The following OGA variants were observed in gnomAD, a reference collection of about 807,000 sequenced individuals.
OGA encodes the protein O-GlcNAcase, also known as protein O-GlcNAcase.
OGA carries 21 observed loss-of-function variants against 102.0 expected under a neutral mutation model. That is an observed-to-expected ratio of 0.21 (90% CI 0.15 to 0.30). OGA has a LOEUF of 0.30. Among genes scored for constraint, OGA ranks in the 10% least tolerant of loss-of-function variants. The pLI is 1.00. For synonymous variants in OGA, 408 were observed against 378.2 expected, an observed-to-expected ratio of 1.08 and a Z score of -0.91; for missense variants, 765 against 1,107.8, an observed-to-expected ratio of 0.69 and a Z score of 4.39.
rs1248470817 is a variant in OGA at position 101,785,379 on chromosome 10, G to GT, written c.*1071dup. 6 of 152,584 alleles carry GT rather than the reference G, an allele frequency of 3.9e-5. No homozygotes were observed. The highest frequency in any genetic ancestry group is 8.8e-5 in the Non-Finnish European group (6 of 68,046). The allele number at this position is 152,584 out of a possible 1,614,324, so 9.5% of individuals were successfully genotyped here. On this transcript the variant is annotated 3_prime_UTR_variant, in exon 16 of 16. Coordinates refer to ENST00000361464, the MANE Select transcript of OGA (RefSeq NM_012215.5). ...AGACTCTGATTTAATAAAATCAGTA[G>GT]TAACAGGTCTTGAGATTAAACAACT...
At chr10:101,789,375 G>A (rs2065230087) in intron 14 of OGA, among the ~76,000 whole-genome samples, 1 of 152,134 alleles carries the variant, frequency 6.6e-6, no homozygotes, top group Non-Finnish European at 1.5e-5. Context: ...GCACATGCCT[G>A]TCATCTCAAC....
intron 5 of OGA, 60 bp from the exon 6 acceptor site, chr10:101,806,203 G>C (rs3740422): frequency 0.31 from 335,813 of 1,076,200 alleles, 55,487 homozygotes; most frequent in Non-Finnish European, 0.35. Flanking sequence ...TTTTCTCTTT[G>C]TTTGTTTGTT....
chr10:101,787,843 CG>C, intron 14 of OGA: 1 of 224,396 alleles, frequency 4.5e-6, no homozygotes, highest in Non-Finnish European at 9.0e-6. Flanking sequence ...CCTTCTATCT[CG>C]GCCTCCTGAA....
At position 101,811,416 on chromosome 10, in the gene OGA, A is replaced by T. The variant is rs201842394; in HGVS notation, c.350-1102T>A. Among the ~76,000 whole-genome samples, 1,075 of 148,578 alleles carry T rather than the reference A, an allele frequency of 7.2e-3. 23 individuals carry two copies. The East Asian group carries it at 0.099, about 14-fold the overall frequency. ...AAAATGAAAAAAAATGAAAAAAAAA[A>T]AAAAAAAAAAAAAAAATGAATCACA... On this transcript the variant is annotated intron_variant, in intron 3 of 15. Transcript: ENST00000361464.
At chr10:101,802,918 C>A (rs554265936) in intron 7 of OGA, among the ~76,000 whole-genome samples, 1 of 146,466 alleles carries the variant, frequency 6.8e-6, no homozygotes, top group Admixed American at 6.9e-5. Flanking sequence ...GCAGGTGGAT[C>A]ACCTAAGGTC....
intron 1 of OGA, among the ~76,000 whole-genome samples, chr10:101,817,129 T>C (rs2065639617): frequency 1.3e-5 from 2 of 152,360 alleles, no homozygotes; most frequent in South Asian, 2.1e-4. Context: ...AAGTCCATCG[T>C]TCTTTTCGAC....
chr10:101,810,971 A>G (rs2065546677), intron 3 of OGA, among the ~76,000 whole-genome samples: 1 of 150,570 alleles, frequency 6.6e-6, no homozygotes, highest in African/African-American at 2.4e-5. Flanking sequence ...GATTGCAGGC[A>G]TGAGCCATGG....
chr10:101,803,173 G>C (rs1157794561), intron 7 of OGA, among the ~76,000 whole-genome samples: 1 of 149,662 alleles, frequency 6.7e-6, no homozygotes, highest in African/African-American at 2.4e-5. Context: ...TTCCATAAAA[G>C]ATAAATGTAA....
Position 101,785,128 on chromosome 10 carries a change from T to C in OGA, c.*1323A>G, listed in dbSNP as rs1159618614. On this transcript the variant is annotated 3_prime_UTR_variant, in exon 16 of 16. Coordinates refer to ENST00000361464, the MANE Select transcript of OGA (RefSeq NM_012215.5). ...GATGCAAAACTACAGAGAAGCAAGA[T>C]AACAAAATACTGTTATCAATCTATG... The C allele has an allele frequency of 1.3e-5, 2 of 152,150 alleles. No individual in the cohort carries two copies. The highest frequency in any genetic ancestry group is 4.8e-5 in the African/African-American group (2 of 41,430). The allele number at this position is 152,150 out of a possible 1,614,324, so 9.4% of individuals were successfully genotyped here.
Position 101,798,856 on chromosome 10 carries a change from T to C in OGA, c.1795A>G (p.Lys599Glu). 1 of 1,613,112 alleles carries C rather than the reference T, an allele frequency of 6.2e-7. No individual in the cohort carries two copies. The highest frequency in any genetic ancestry group is 1.1e-5 in the South Asian group (1 of 91,014). Residue 599 changes from lysine to glutamate, a missense_variant, in exon 9 of 16, where the codon AAA becomes GAA. Lys to Glu is a moderately conservative substitution (Grantham distance 56). Around this residue, in one of 7 missense-constraint regions of OGA, gnomAD observed 281 missense variants for 345.8 expected, o/e 0.81. Coordinates refer to ENST00000361464, the MANE Select transcript of OGA (RefSeq NM_012215.5). The part of the protein sequence containing the change: ...SSVVSVNCKG[K>E]DSEKIEEWRS... ...AACATACTCACTTTTTCAGAGTCTT[T>C]TCCTTTGCAATTGACACTGACAACA...
chr10:101,792,012 T>C (rs1412143197), intron 12 of OGA, among the ~76,000 whole-genome samples: 1 of 150,800 alleles, frequency 6.6e-6, no homozygotes, highest in African/African-American at 2.4e-5. Context: ...TATTTTTTAT[T>C]ATTTATTATT....
chr10:101,806,542 C>G (rs934216221), intron 5 of OGA, among the ~76,000 whole-genome samples: 1 of 152,158 alleles, frequency 6.6e-6, no homozygotes, highest in African/African-American at 2.4e-5. Flanking sequence ...GATAAAAGGC[C>G]TCCTACAAGG....
intron 3 of OGA, among the ~76,000 whole-genome samples, chr10:101,812,407 C>CA (rs1300057262): frequency 3.3e-5 from 5 of 151,802 alleles, no homozygotes; most frequent in Admixed American, 6.6e-5. Flanking sequence ...GACTCTGTCT[C>CA]AAAAAACAAA....
chr10:101,816,013 T>A, intron 1 of OGA, among the ~76,000 whole-genome samples: 1 of 132,336 alleles, frequency 7.6e-6, no homozygotes, highest in Non-Finnish European at 1.6e-5. Flanking sequence ...AGTTCACGCC[T>A]GTAATCTTAG....
intron 12 of OGA, among the ~76,000 whole-genome samples, chr10:101,792,447 C>CTGTCTT (rs1491549291): frequency 2.0e-5 from 3 of 152,198 alleles, no homozygotes; most frequent in Admixed American, 2.0e-4. Flanking sequence ...GGCCCTGTTA[C>CTGTCTT]TGTCTTTAAA....
At position 101,817,872 on chromosome 10, in the gene OGA, C is replaced by T. The variant is rs35402016; in HGVS notation, c.151G>A (p.Ala51Thr). The T allele has an allele frequency of 6.3e-3, 9,758 of 1,548,536 alleles. 39 individuals carry two copies. The highest frequency in any genetic ancestry group is 8.6e-3 in the Middle Eastern group (38 of 4,436). The change falls in exon 1 of 16, where the codon GCC becomes ACC. Residue 51 changes from alanine (A) to threonine (T), a missense_variant. Physicochemically the swap from Ala to Thr is moderately conservative, Grantham distance 58. Coordinates refer to ENST00000361464, the MANE Select transcript of OGA (RefSeq NM_012215.5). ...CGCCGAGCCCCTCCTGCAGCCCCGG[C>T]CACCGCCGCTCCCCCAGCCCCGGCG... ...NPAGAGGAAVAGAAGGARRFL... is the reference protein window; with the variant it reads ...NPAGAGGAAVTGAAGGARRFL...
chr10:101,799,898 A>T (rs1248362092), intron 8 of OGA, among the ~76,000 whole-genome samples: 1 of 152,098 alleles, frequency 6.6e-6, no homozygotes, highest in Non-Finnish European at 1.5e-5. Context: ...TTTGAGACAG[A>T]GTCTCGCTCT....
At chr10:101,802,428 C>T (rs987124010) in intron 7 of OGA, among the ~76,000 whole-genome samples, 1 of 152,216 alleles carries the variant, frequency 6.6e-6, no homozygotes, top group Admixed American at 6.5e-5. Flanking sequence ...AATCCCAGCA[C>T]TTTGGGAAGC....
intron 1 of OGA, among the ~76,000 whole-genome samples, chr10:101,813,819 A>G (rs908028341): frequency 6.6e-6 from 1 of 151,958 alleles, no homozygotes; most frequent in Admixed American, 6.6e-5. Flanking sequence ...TGCTTAGGTA[A>G]TTTTTTTTAT....
Sources: allele counts gnomAD v4.1 joint callset (sites outside exome capture counted in the v4.1 genomes callset), GRCh38; gene constraint gnomAD v4.1.1; regional missense constraint gnomAD v4.1.1; transcripts MANE v1.5; gene names NCBI Gene and HGNC (gene_info 2026-07-23, HGNC 2026-07-21).